Variants in AGAP1 observed in about 807,000 individuals in gnomAD.
The protein encoded by AGAP1 is arf-GAP with GTPase, ANK repeat and PH domain-containing protein 1.
Under a neutral mutation model 105.3 loss-of-function variants are expected in AGAP1, and 29 were observed. The ratio of observed to expected loss-of-function variants is 0.28; its 90% CI spans 0.21 to 0.38. The LOEUF is 0.38. AGAP1 is among the 10% of genes least tolerant of loss of function. The pLI is 1.00. For missense variants in AGAP1, 998 were observed against 1,165.1 expected (o/e 0.86, Z 2.09); for synonymous variants, 509 against 485.9 (o/e 1.05, Z -0.63).
rs1352551090 is a variant in AGAP1, at chr2:235,867,705, A to G, written c.1051-15640A>G. Among the ~76,000 whole-genome samples, 4 of 152,200 alleles carry G rather than the reference A, an allele frequency of 2.6e-5. No homozygotes were observed. ...TTAGCATAATGAGAGGGCAAAAGCAAGATGACTAAGTGTTCGTTACGGAAA... is the reference window on the plus strand; with the variant it reads ...TTAGCATAATGAGAGGGCAAAAGCAGGATGACTAAGTGTTCGTTACGGAAA... On this transcript the variant is annotated intron_variant, in intron 9 of 17. Transcript: ENST00000304032. This position sits in a 1 kb window ranked among gnomAD's most constrained non-coding sequence, Gnocchi z 5.4.
rs1283176521 is a variant in AGAP1 at position 236,003,720 on chromosome 2, A to T, written c.1646-32841A>T. Among the ~76,000 whole-genome samples, 1 of 151,912 alleles carries T rather than the reference A, an allele frequency of 6.6e-6. No homozygotes were observed. The highest frequency in any genetic ancestry group is 1.5e-5 in the Non-Finnish European group (1 of 68,012). On this transcript the variant is annotated intron_variant, in intron 13 of 17. Coordinates refer to ENST00000304032, the MANE Select transcript of AGAP1 (RefSeq NM_001037131.3). The surrounding 1 kb of genome is among the most constrained non-coding windows in gnomAD (Gnocchi z 4.2). ...TCCACCCTGATCAAATTCAGTCATT[A>T]ACCCCACTGAAACCTGACAAGGCCT...
At chr2:235,726,976 C>T (rs897475715) in intron 3 of AGAP1, among the ~76,000 whole-genome samples, 2 of 152,170 alleles carry the variant, frequency 1.3e-5, no homozygotes, top group Admixed American at 6.5e-5. Context: ...AGCAAGGTCT[C>T]CCCACTTGGT....
At chr2:235,909,332 CTG>C (rs1325488581) in intron 11 of AGAP1, among the ~76,000 whole-genome samples, 1 of 152,152 alleles carries the variant, frequency 6.6e-6, no homozygotes, top group Non-Finnish European at 1.5e-5. Context: ...AATGTAAATT[CTG>C]TGTTGTTATA....
rs1575916260 is a variant in AGAP1, at chr2:235,967,152, G to A, written c.1484-1310G>A. Among the ~76,000 whole-genome samples, 1 of 151,776 alleles carries A rather than the reference G, an allele frequency of 6.6e-6. No individual in the cohort carries two copies. Among genetic ancestry groups the A allele is most frequent in the Non-Finnish European group, 1.5e-5 (1 of 67,936 alleles). Reference sequence around the variant, plus strand: ...GCCTCTCCCACCCACACCGGCCACCGCCACTCGGGCCCCCTCTCCGTTTCT... The same window carrying A: ...GCCTCTCCCACCCACACCGGCCACCACCACTCGGGCCCCCTCTCCGTTTCT... On this transcript the variant is annotated intron_variant, in intron 12 of 17. Transcript: ENST00000304032. The surrounding 1 kb of genome is among the most constrained non-coding windows in gnomAD (Gnocchi z 4.7).
intron 1 of AGAP1, among the ~76,000 whole-genome samples, chr2:235,648,307 C>T (rs781767972): frequency 7.9e-5 from 12 of 152,084 alleles, no homozygotes; most frequent in Non-Finnish European, 1.2e-4. Flanking sequence ...GAAAGTGCAG[C>T]AGTGCACTCT....
rs1486453069 is a variant in AGAP1 at position 236,125,705 on chromosome 2, A to G, written c.*1583A>G. 4 of 152,226 alleles carry G rather than the reference A, an allele frequency of 2.6e-5. No individual in the cohort carries two copies. Among genetic ancestry groups the G allele is most frequent in the Non-Finnish European group, 5.9e-5 (4 of 68,050 alleles). The allele number at this position is 152,226 out of a possible 1,614,324, so 9.4% of individuals were successfully genotyped here. On this transcript the variant is annotated 3_prime_UTR_variant, in exon 18 of 18. Coordinates refer to ENST00000304032, the MANE Select transcript of AGAP1 (RefSeq NM_001037131.3). The surrounding 1 kb of genome is among the most constrained non-coding windows in gnomAD (Gnocchi z 5.2). ...AGAACCCAGACGACCTTGACCTGGC[A>G]GCCCGGCCCTCCACGCTAGTACCTC...
intron 6 of AGAP1, among the ~76,000 whole-genome samples, chr2:235,760,348 C>T (rs1336088479): frequency 6.6e-6 from 1 of 152,232 alleles, no homozygotes. Flanking sequence ...CACTGCACTC[C>T]AGCCTGGGCG....
chr2:235,826,482 C>T (rs1418842709), intron 9 of AGAP1, among the ~76,000 whole-genome samples: 3 of 152,014 alleles, frequency 2.0e-5, no homozygotes, highest in Non-Finnish European at 4.4e-5. Context: ...AGTCTTGCTG[C>T]TCTGTCACCC....
At chr2:235,806,729 A>G (rs1957854220) in intron 8 of AGAP1, among the ~76,000 whole-genome samples, 1 of 152,186 alleles carries the variant, frequency 6.6e-6, no homozygotes, top group Non-Finnish European at 1.5e-5. Context: ...AACCATCCAG[A>G]AGCAAAAACG....
At chr2:235,763,062 GCGCGCGCACA>G (rs747995348) in intron 6 of AGAP1, among the ~76,000 whole-genome samples, 25,687 of 137,626 alleles carry the variant, frequency 0.19, 2,662 homozygotes, top group Admixed American at 0.33. Flanking sequence ...ATGTGTGCGC[GCGCGCGCACA>G]CGTGCACCTG....
intron 9 of AGAP1, among the ~76,000 whole-genome samples, chr2:235,825,320 T>C (rs1465728750): frequency 6.6e-6 from 1 of 152,252 alleles, no homozygotes; most frequent in Non-Finnish European, 1.5e-5. Flanking sequence ...CAACGACCCT[T>C]TGAACAGCTG....
intron 10 of AGAP1, among the ~76,000 whole-genome samples, chr2:235,884,882 CAGT>C (rs1265784100): frequency 6.8e-6 from 1 of 146,988 alleles, no homozygotes; most frequent in Non-Finnish European, 1.5e-5. Context: ...GCAGCAGCAG[CAGT>C]ATTTTTTGGT....
At chr2:236,016,084 G>A (rs911141288) in intron 13 of AGAP1, among the ~76,000 whole-genome samples, 2 of 151,884 alleles carry the variant, frequency 1.3e-5, no homozygotes, top group South Asian at 4.2e-4. Flanking sequence ...TTTTCACTAT[G>A]GCTTGTTAAA....
In AGAP1 at chr2:235,787,829, G is replaced by A. The variant is rs1956741684; in HGVS notation, c.674-9930G>A. Among the ~76,000 whole-genome samples the A allele has an allele frequency of 6.6e-6, 1 of 152,112 alleles. No homozygotes were observed. The highest frequency in any genetic ancestry group is 1.5e-5 in the Non-Finnish European group (1 of 68,028). ...AAGCTGAAGAGCATTCTGGGATCAA[G>A]AAGATGACCAAGTACATTGTGGGAC... On this transcript the variant is annotated intron_variant, in intron 6 of 17. Transcript: ENST00000304032. This position sits in a 1 kb window ranked among gnomAD's most constrained non-coding sequence, Gnocchi z 4.4.
rs2058534720 is a variant in AGAP1 at position 236,072,688 on chromosome 2, G to C, written c.2114+23407G>C. ...GTTAGCCAGGTTGGCTCAAATTCCT[G>C]ACTTCAAGTGATCCTGCCGCCTTGG... On this transcript the variant is annotated intron_variant, in intron 16 of 17. Transcript: ENST00000304032. 5 of 152,174 alleles carry C rather than the reference G, an allele frequency of 3.3e-5. No homozygotes were observed. In the South Asian group the frequency reaches 8.3e-4, roughly 25 times the overall value. 9.4% of individuals were successfully genotyped at this position (152,174 alleles called of 1,614,324 possible). A position where few individuals can be genotyped will look rare whatever the true frequency, so the allele number is the denominator to read the frequency against.
In AGAP1 at chr2:235,621,121, A is replaced by G. The variant is rs1946463324; in HGVS notation, c.164-88058A>G. 6.6e-6 allele frequency among the ~76,000 whole-genome samples: 1 copy of G among 152,116 alleles called. No homozygotes were observed. The highest frequency in any genetic ancestry group is 2.1e-4 in the South Asian group (1 of 4,824). ...ACTGCAAACTCCACCTCCTAGGTTC[A>G]AGCAATTCTCCTGCCTTGGCCTCCG... is the stretch of plus-strand genomic sequence containing the variant. On this transcript the variant is annotated intron_variant, in intron 1 of 17. Coordinates refer to ENST00000304032, the MANE Select transcript of AGAP1 (RefSeq NM_001037131.3). This position sits in a 1 kb window ranked among gnomAD's most constrained non-coding sequence, Gnocchi z 4.1.
rs2057689834 is a variant in AGAP1 at position 236,045,469 on chromosome 2, T to C, written c.1892-3590T>C. Among the ~76,000 whole-genome samples the C allele has an allele frequency of 6.6e-6, 1 of 152,246 alleles. No individual in the cohort carries two copies. Among genetic ancestry groups the C allele is most frequent in the African/African-American group, 2.4e-5 (1 of 41,462 alleles). On this transcript the variant is annotated intron_variant, in intron 15 of 17. Coordinates refer to ENST00000304032, the MANE Select transcript of AGAP1 (RefSeq NM_001037131.3). This position sits in a 1 kb window ranked among gnomAD's most constrained non-coding sequence, Gnocchi z 6.9. The stretch of plus-strand genomic sequence containing the variant: ...GACAGCCCCTTGAGGATGGGAATTA[T>C]TAGCCTCATTTCTCTGGAGGGGAGC...
In AGAP1 at chr2:235,716,403, G is replaced by T. The variant is rs776900383; in HGVS notation, c.223-1154G>T. ...AGTGGCTTTGAAATGGAAGTTGCGG[G>T]TGACCTAGTGGGCAGTTTCCTGGTA... is the stretch of plus-strand genomic sequence containing the variant. On this transcript the variant is annotated intron_variant, in intron 2 of 17. Transcript: ENST00000304032. This position sits in a 1 kb window ranked among gnomAD's most constrained non-coding sequence, Gnocchi z 4.0. Among the ~76,000 whole-genome samples, 1 of 152,154 alleles carries T rather than the reference G, an allele frequency of 6.6e-6. No individual in the cohort carries two copies. The highest frequency in any genetic ancestry group is 1.5e-5 in the Non-Finnish European group (1 of 68,034).
chr2:235,564,613 AG>A (rs1352063088), intron 1 of AGAP1, among the ~76,000 whole-genome samples: 8 of 143,528 alleles, frequency 5.6e-5, no homozygotes, highest in Admixed American at 6.8e-5. Flanking sequence ...GCCAGGTGTG[AG>A]CCTGGACCAC....
Sources: allele counts gnomAD v4.1 joint callset (sites outside exome capture counted in the v4.1 genomes callset), GRCh38; gene constraint gnomAD v4.1.1; non-coding constraint Gnocchi (gnomAD v3.1); transcripts MANE v1.5; gene names NCBI Gene and HGNC (gene_info 2026-07-23, HGNC 2026-07-21).